SINHCAF: variants seen among roughly 807,000 people sequenced by gnomAD.
SINHCAF encodes SIN3-HDAC complex associated factor, also known as SIN3-HDAC complex-associated factor.
A neutral mutation model predicts 25.8 loss-of-function variants in SINHCAF; 3 were observed. That is an observed-to-expected ratio of 0.12 (90% CI 0.05 to 0.30). The LOEUF is 0.30. Ranked by LOEUF, SINHCAF falls within the 10% of genes least tolerant of loss-of-function variation. The pLI is 1.00. For missense variants in SINHCAF, 121 were observed against 262.3 expected (o/e 0.46, Z 3.72); for synonymous variants, 70 against 85.5 (o/e 0.82, Z 1.00).
In SINHCAF at chr12:31,324,571, C is replaced by CT. The variant is rs1461366392; in HGVS notation, c.-21+1452dup. On this transcript the variant is annotated intron_variant, in intron 1 of 5. Transcript: ENST00000337682. This position sits in a 1 kb window ranked among gnomAD's most constrained non-coding sequence, Gnocchi z 5.5. ...AAGCCCCTCCCGAAACTCGCCCGAACTTCGAGGGCCTCCGACCTGCACGGC... is the reference window on the plus strand; with the variant it reads ...AAGCCCCTCCCGAAACTCGCCCGAACTTTCGAGGGCCTCCGACCTGCACGGC... The CT allele has an allele frequency of 1.1e-5, 2 of 175,308 alleles. No homozygotes were observed. Among genetic ancestry groups the CT allele is most frequent in the African/African-American group, 2.4e-5 (1 of 41,612 alleles). The allele number at this position is 175,308 out of a possible 1,614,324, so 10.9% of individuals were successfully genotyped here.
At chr12:31,311,818 A>G (rs1939282901) in intron 1 of SINHCAF, 2 of 487,046 alleles carry the variant, frequency 4.1e-6, no homozygotes, top group Admixed American at 2.6e-5. Flanking sequence ...GGTGGGTCAG[A>G]CCAAAGATGG....
intron 4 of SINHCAF, among the ~76,000 whole-genome samples, chr12:31,287,985 C>A (rs1220820123): frequency 6.6e-6 from 1 of 152,134 alleles, no homozygotes; most frequent in East Asian, 1.9e-4. Context: ...AATAGACATA[C>A]TTCCTATTCC....
intron 4 of SINHCAF, among the ~76,000 whole-genome samples, chr12:31,288,376 A>C (rs1211625258): frequency 6.6e-6 from 1 of 152,216 alleles, no homozygotes. Context: ...ACCCCAGCAG[A>C]GGCTGAGGTG....
chr12:31,319,981 T>A (rs1939637707), intron 1 of SINHCAF, among the ~76,000 whole-genome samples: 2 of 152,168 alleles, frequency 1.3e-5, no homozygotes, highest in African/African-American at 4.8e-5. Flanking sequence ...TGGCCCTCCA[T>A]CAAATTTATT....
At chr12:31,297,374 G>A (rs887125919) in intron 2 of SINHCAF, among the ~76,000 whole-genome samples, 1 of 151,820 alleles carries the variant, frequency 6.6e-6, no homozygotes, top group African/African-American at 2.4e-5. Flanking sequence ...TGCCCAGGCT[G>A]GTTTCAAGCT....
intron 1 of SINHCAF, chr12:31,304,224 C>T (rs1204142742): frequency 6.6e-6 from 1 of 151,756 alleles, no homozygotes; most frequent in Non-Finnish European, 1.5e-5. Context: ...ATGCCACATA[C>T]CAAAATGTAT....
At chr12:31,323,882 ACC>A in intron 1 of SINHCAF, 1 of 446,000 alleles carries the variant, frequency 2.2e-6, no homozygotes, top group Non-Finnish European at 4.5e-6. Context: ...CGCCGCCCTC[ACC>A]CGTTTCTCTG....
chr12:31,319,664 T>C (rs1592992840), intron 1 of SINHCAF, among the ~76,000 whole-genome samples: 1 of 150,346 alleles, frequency 6.7e-6, no homozygotes, highest in African/African-American at 2.5e-5. Flanking sequence ...TCTTTCTCTC[T>C]TTTTTTCCTC....
intron 5 of SINHCAF, 31 bp from the exon 6 acceptor site, chr12:31,282,902 T>C (rs1565486435): frequency 6.6e-7 from 1 of 1,514,694 alleles, no homozygotes; most frequent in East Asian, 2.3e-5. Context: ...CAAGATACAT[T>C]AATAAGGAAG....
chr12:31,323,882 A>AC lies in SINHCAF; in HGVS notation c.-21+2141dup, dbSNP rs1939821766. On this transcript the variant is annotated intron_variant, in intron 1 of 5. Transcript: ENST00000337682. Reference sequence around the variant, plus strand: ...TGGGGAGGAGGTGCTCGCCGCCCTCACCCGTTTCTCTGAAAGCAGTAAAAT... The same window carrying AC: ...TGGGGAGGAGGTGCTCGCCGCCCTCACCCCGTTTCTCTGAAAGCAGTAAAAT... The AC allele has an allele frequency of 1.1e-5, 5 of 446,000 alleles. No homozygotes were observed. The East Asian group carries it at 3.6e-4, about 32-fold the overall frequency. The allele number at this position is 446,000 out of a possible 1,614,324, so 27.6% of individuals were successfully genotyped here. A position where few individuals can be genotyped will look rare whatever the true frequency, so the allele number is the denominator to read the frequency against.
At chr12:31,296,123 T>C (rs1053318301) in intron 2 of SINHCAF, among the ~76,000 whole-genome samples, 37 of 152,168 alleles carry the variant, frequency 2.4e-4, no homozygotes, top group African/African-American at 8.7e-4. Flanking sequence ...TAAACATTGC[T>C]GTTTAATTAA....
rs1392276456 is a variant in SINHCAF, at chr12:31,308,644, C to A, written c.-20-10420G>T. ...CATACACTGGATGAGGGATGAGGAT[C>A]CCCTGAGAGAAGTCCGAGTCTGCTA... On this transcript the variant is annotated intron_variant, in intron 1 of 5. Coordinates refer to ENST00000337682, the MANE Select transcript of SINHCAF (RefSeq NM_001135812.2). Among the ~76,000 whole-genome samples the A allele has an allele frequency of 2.0e-5, 3 of 152,138 alleles. No individual in the cohort carries two copies. The East Asian group carries it at 5.8e-4, about 29-fold the overall frequency.
At chr12:31,304,857 T>A (rs2137108236) in intron 1 of SINHCAF, 1 of 152,282 alleles carries the variant, frequency 6.6e-6, no homozygotes, top group East Asian at 1.9e-4. Context: ...TATACATAGG[T>A]GGCCATCATG....
chr12:31,310,955 C>T (rs867623724), intron 1 of SINHCAF, among the ~76,000 whole-genome samples: 2 of 151,510 alleles, frequency 1.3e-5, no homozygotes, highest in Non-Finnish European at 2.9e-5. Context: ...TTGCAACCTC[C>T]GCCTCTGAGG....
intron 1 of SINHCAF, among the ~76,000 whole-genome samples, chr12:31,309,283 T>C (rs1169662925): frequency 6.6e-6 from 1 of 152,126 alleles, no homozygotes; most frequent in Non-Finnish European, 1.5e-5. Flanking sequence ...TCCCATTTGG[T>C]TCCTTGACAA....
At chr12:31,285,414 T>TATACAC (rs1366908542) in intron 5 of SINHCAF, among the ~76,000 whole-genome samples, 50 of 43,962 alleles carry the variant, frequency 1.1e-3, no homozygotes, top group Admixed American at 9.1e-3. Context: ...TTTATATATA[T>TATACAC]ACATACACAC....
chr12:31,314,256 T>C (rs1939406559), intron 1 of SINHCAF, among the ~76,000 whole-genome samples: 1 of 151,882 alleles, frequency 6.6e-6, no homozygotes, highest in Admixed American at 6.6e-5. Context: ...CAGGGCACAG[T>C]GGCTCACGCC....
At chr12:31,287,539 G>A (rs1243492947) in intron 5 of SINHCAF, 95 bp downstream of exon 5, 10 of 968,316 alleles carry the variant, frequency 1.0e-5, no homozygotes, top group Non-Finnish European at 1.3e-5. Context: ...GTTACCAACT[G>A]TTTGCCAAAT....
rs1472469516 is a variant in SINHCAF, at chr12:31,303,019, T to G, written c.-20-4795A>C. The stretch of plus-strand genomic sequence containing the variant: ...CTATCATCAATCATCTATCTGTCTA[T>G]CTACAATATGTTTTCTTAAGGTCCC... On this transcript the variant is annotated intron_variant, in intron 1 of 5. Coordinates refer to ENST00000337682, the MANE Select transcript of SINHCAF (RefSeq NM_001135812.2). The G allele has an allele frequency of 1.5e-5, 15 of 985,110 alleles. No homozygotes were observed. The Admixed American group carries it at 9.2e-4, about 61-fold the overall frequency. The allele number at this position is 985,110 out of a possible 1,614,324, so 61.0% of individuals were successfully genotyped here.
Sources: allele counts gnomAD v4.1 joint callset (sites outside exome capture counted in the v4.1 genomes callset), GRCh38; gene constraint gnomAD v4.1.1; non-coding constraint Gnocchi (gnomAD v3.1); transcripts MANE v1.5; gene names NCBI Gene and HGNC (gene_info 2026-07-23, HGNC 2026-07-21).